Variants in EPS15 observed in about 807,000 individuals in gnomAD.
EPS15 encodes the protein epidermal growth factor receptor pathway substrate 15.
Under a neutral mutation model 113.8 loss-of-function variants are expected in EPS15, and 72 were observed. That is an observed-to-expected ratio of 0.63 (90% CI 0.52 to 0.77). The LOEUF (loss-of-function observed/expected upper bound fraction) is 0.77. Among genes scored for constraint, EPS15 ranks in the 30% least tolerant of loss-of-function variants. The pLI is 0.00. For synonymous variants in EPS15, 344 were observed against 363.4 expected (o/e 0.95, Z 0.61); for missense variants, 1,048 against 1,045.8 (o/e 1.00, Z -0.03).
At position 51,354,849 on chromosome 1, in the gene EPS15, A is replaced by G. The variant is rs1646185288; in HGVS notation, c.*1851T>C. 1 of 202,150 alleles carries G rather than the reference A, an allele frequency of 4.9e-6. No individual in the cohort carries two copies. The highest frequency in any genetic ancestry group is 7.6e-5 in the East Asian group (1 of 13,134). The allele number at this position is 202,150 out of a possible 1,614,324, so 12.5% of individuals were successfully genotyped here. A position where few individuals can be genotyped will look rare whatever the true frequency, so the allele number is the denominator to read the frequency against. On this transcript the variant is annotated 3_prime_UTR_variant, in exon 25 of 25. Transcript: ENST00000371733. ...GAAAGTTGGTGTTTATAAGTTATAGATATTTAATATTTGAGTTTAATTGAA... is the reference window on the plus strand; with the variant it reads ...GAAAGTTGGTGTTTATAAGTTATAGGTATTTAATATTTGAGTTTAATTGAA...
intron 21 of EPS15, among the ~76,000 whole-genome samples, chr1:51,380,331 A>G (rs1646913049): frequency 6.6e-6 from 1 of 152,212 alleles, no homozygotes; most frequent in South Asian, 2.1e-4. Context: ...ATAAAGGTAA[A>G]TATCAACATA....
At chr1:51,360,454 T>C (rs1337276112) in intron 24 of EPS15, among the ~76,000 whole-genome samples, 1 of 152,182 alleles carries the variant, frequency 6.6e-6, no homozygotes, top group Non-Finnish European at 1.5e-5. Flanking sequence ...ATTTCTGTGA[T>C]TTTATAGGCC....
chr1:51,394,839 T>C (rs1433506082), intron 20 of EPS15, among the ~76,000 whole-genome samples: 1 of 152,166 alleles, frequency 6.6e-6, no homozygotes, highest in Non-Finnish European at 1.5e-5. Context: ...GCTAGTTGTA[T>C]AGATGTACAC....
chr1:51,383,620 C>A (rs1646990770), intron 21 of EPS15, among the ~76,000 whole-genome samples: 1 of 152,216 alleles, frequency 6.6e-6, no homozygotes, highest in Non-Finnish European at 1.5e-5. Flanking sequence ...GCATTAGGTA[C>A]TGCTCACTTG....
chr1:51,503,557 G>A lies in EPS15; in HGVS notation c.33+15642C>T, dbSNP rs376074057. 1.4e-4 allele frequency among the ~76,000 whole-genome samples: 21 copies of A among 152,168 alleles called. 1 individual carries two copies. The East Asian group carries it at 2.9e-3, about 21-fold the overall frequency. On this transcript the variant is annotated intron_variant, in intron 1 of 24. Coordinates refer to ENST00000371733, the MANE Select transcript of EPS15 (RefSeq NM_001981.3). ...CTCAGGAGGCTGAGGCAGGAGAATC[G>A]CTTGAACCCAGGAGGCAGAGGTTGC...
intron 14 of EPS15, among the ~76,000 whole-genome samples, 193 bp from the exon 15 acceptor site, chr1:51,408,525 TC>T (rs1475637166): frequency 4.0e-5 from 6 of 151,446 alleles, no homozygotes; most frequent in African/African-American, 1.5e-4. Context: ...GGATTCAAAC[TC>T]CTGGGCTCAA....
intron 8 of EPS15, among the ~76,000 whole-genome samples, chr1:51,459,501 T>C (rs1253676653): frequency 6.6e-6 from 1 of 151,758 alleles, no homozygotes. Flanking sequence ...GTCTCAAAAA[T>C]AAAAATAATA....
intron 12 of EPS15, among the ~76,000 whole-genome samples, chr1:51,428,900 T>C (rs1429369678): frequency 2.0e-5 from 3 of 151,664 alleles, no homozygotes; most frequent in Non-Finnish European, 4.4e-5. Context: ...CAGAATTTTA[T>C]TTGTGTCTTT....
intron 1 of EPS15, chr1:51,518,195 T>C (rs1557547025): frequency 6.6e-6 from 1 of 152,506 alleles, no homozygotes; most frequent in East Asian, 1.9e-4. Flanking sequence ...CCGGACACCA[T>C]GTTTACATTG....
chr1:51,421,816 A>T lies in EPS15; in HGVS notation c.1083T>A (p.Asp361Glu). 6.2e-7 allele frequency: 1 copy of T among 1,607,710 alleles called. No homozygotes were observed. The highest frequency in any genetic ancestry group is 8.5e-7 in the Non-Finnish European group (1 of 1,176,504). ...CCTCACTTGTCCTCTGTTTAATAGT[A>T]TCTTCCTTCTCCTTAAGGTCCTGTT... ...NVEQDLKEKE[D>E]TIKQRTSEVQ... Residue 361 changes from aspartate to glutamate, a missense_variant, in exon 13 of 25, where the codon GAT becomes GAA. Coordinates refer to ENST00000371733, the MANE Select transcript of EPS15 (RefSeq NM_001981.3).
intron 17 of EPS15, among the ~76,000 whole-genome samples, chr1:51,403,027 T>C (rs1378416054): frequency 1.3e-5 from 2 of 152,198 alleles, no homozygotes; most frequent in Admixed American, 6.5e-5. Flanking sequence ...TCACCTAAAA[T>C]AGTGTATAAT....
chr1:51,488,557 T>G (rs1383326988), intron 1 of EPS15, among the ~76,000 whole-genome samples: 1 of 152,026 alleles, frequency 6.6e-6, no homozygotes, highest in African/African-American at 2.4e-5. Context: ...GGTATGATCT[T>G]TAGTAGCTTA....
intron 8 of EPS15, among the ~76,000 whole-genome samples, chr1:51,449,392 T>C (rs920728592): frequency 6.6e-6 from 1 of 151,266 alleles, no homozygotes; most frequent in Non-Finnish European, 1.5e-5. Flanking sequence ...AAACATGGAG[T>C]AAATGGGGTC....
rs1652507004 is a variant in EPS15, at chr1:51,440,440, C to A, written c.955-8G>T. On this transcript the variant is annotated splice_region_variant and splice_polypyrimidine_tract_variant and intron_variant, in intron 11 of 24. Transcript: ENST00000371733. Reference sequence around the variant, plus strand: ...ACTTGATCCTATGATGTTCTAAAAACAAAAAGTTCACAATTATACATTACT... The same window carrying A: ...ACTTGATCCTATGATGTTCTAAAAAAAAAAAGTTCACAATTATACATTACT... The A allele has an allele frequency of 2.0e-6, 3 of 1,473,012 alleles. No homozygotes were observed. Among genetic ancestry groups the A allele is most frequent in the African/African-American group, 2.8e-5 (2 of 71,702 alleles). 91.2% of individuals were successfully genotyped at this position (1,473,012 alleles called of 1,614,324 possible). A position where few individuals can be genotyped will look rare whatever the true frequency, so the allele number is the denominator to read the frequency against.
At chr1:51,502,520 C>T (rs1644430291) in intron 1 of EPS15, among the ~76,000 whole-genome samples, 1 of 151,962 alleles carries the variant, frequency 6.6e-6, no homozygotes, top group African/African-American at 2.4e-5. Flanking sequence ...TAAGAAATAG[C>T]ATCTAGATTG....
At chr1:51,446,820 A>T (rs1298778034) in intron 10 of EPS15, 140 bp downstream of exon 10, 1 of 687,578 alleles carries the variant, frequency 1.5e-6, no homozygotes, top group Non-Finnish European at 2.4e-6. Context: ...AGCCAGAAGA[A>T]TTCTTCAGAT....
At chr1:51,462,450 A>G (rs1654534689) in intron 7 of EPS15, among the ~76,000 whole-genome samples, 1 of 152,170 alleles carries the variant, frequency 6.6e-6, no homozygotes, top group Non-Finnish European at 1.5e-5. Flanking sequence ...TGGAGAAATC[A>G]CTATGGAAAC....
intron 1 of EPS15, among the ~76,000 whole-genome samples, chr1:51,482,235 G>T (rs1249418549): frequency 2.0e-5 from 3 of 152,152 alleles, no homozygotes; most frequent in African/African-American, 7.2e-5. Context: ...AGTGTTCTGG[G>T]ATCAGGATGG....
intron 12 of EPS15, among the ~76,000 whole-genome samples, chr1:51,428,544 GGGCCAGGT>G (rs1196383059): frequency 6.6e-6 from 1 of 151,902 alleles, no homozygotes; most frequent in East Asian, 1.9e-4. Context: ...GGGTGAGAAT[GGGCCAGGT>G]GCAGTGGCTC....
Sources: gnomAD v4.1 joint callset for allele counts (sites outside exome capture counted in the v4.1 genomes callset) on GRCh38, gnomAD v4.1.1 for gene constraint, MANE v1.5 for transcripts, NCBI Gene and HGNC (gene_info 2026-07-23, HGNC 2026-07-21) for gene names.